The following FBXW7 variants were observed in gnomAD, a reference collection of about 807,000 sequenced individuals.
The protein encoded by FBXW7 is F-box/WD repeat-containing protein 7.
FBXW7 carries 11 observed loss-of-function variants against 86.3 expected under a neutral mutation model. That is an observed-to-expected ratio of 0.13 (90% CI 0.08 to 0.21). FBXW7 has a LOEUF of 0.21. Ranked by LOEUF, FBXW7 falls within the 10% of genes least tolerant of loss-of-function variation. The pLI is 1.00. For synonymous variants in FBXW7, 313 were observed against 297.9 expected, an observed-to-expected ratio of 1.05 and a Z score of -0.52; for missense variants, 488 against 847.4, an observed-to-expected ratio of 0.58 and a Z score of 5.27.
chr4:152,466,637 A>G (rs1191641915), intron 2 of FBXW7, among the ~76,000 whole-genome samples: 2 of 151,976 alleles, frequency 1.3e-5, no homozygotes, highest in Non-Finnish European at 2.9e-5. Context: ...AAACACCAAA[A>G]TATCATTGCT....
chr4:152,470,897 A>G (rs1295651648), intron 2 of FBXW7, among the ~76,000 whole-genome samples: 1 of 152,160 alleles, frequency 6.6e-6, no homozygotes, highest in Non-Finnish European at 1.5e-5. Context: ...TGACTCCTCA[A>G]AAACAAAACA....
At chr4:152,531,349 T>G (rs1750009379) in intron 2 of FBXW7, among the ~76,000 whole-genome samples, 1 of 152,152 alleles carries the variant, frequency 6.6e-6, no homozygotes, top group Non-Finnish European at 1.5e-5. Context: ...TGTTGAAACA[T>G]CTCTTCCCCA....
At chr4:152,351,815 A>G (rs1171815472) in intron 4 of FBXW7, among the ~76,000 whole-genome samples, 2 of 152,168 alleles carry the variant, frequency 1.3e-5, no homozygotes, top group Non-Finnish European at 2.9e-5. Flanking sequence ...ATTTGCCACT[A>G]AAAGCAAACT....
intron 4 of FBXW7, among the ~76,000 whole-genome samples, chr4:152,387,068 T>G (rs920813496): frequency 6.6e-6 from 1 of 152,206 alleles, no homozygotes; most frequent in African/African-American, 2.4e-5. Context: ...CCATTTTTCA[T>G]AAATTATTCC....
chr4:152,420,987 G>A (rs1178504030), intron 2 of FBXW7, among the ~76,000 whole-genome samples: 1 of 152,104 alleles, frequency 6.6e-6, no homozygotes, highest in Non-Finnish European at 1.5e-5. Context: ...TATCCAGCTA[G>A]AAAAGTCTTA....
At chr4:152,456,470 AG>A (rs1214298472) in intron 2 of FBXW7, among the ~76,000 whole-genome samples, 3 of 151,892 alleles carry the variant, frequency 2.0e-5, no homozygotes, top group Admixed American at 2.0e-4. Context: ...CAGGAGTTCA[AG>A]GCTGCAGTGA....
chr4:152,421,749 A>G (rs749263918), intron 2 of FBXW7, among the ~76,000 whole-genome samples: 7 of 152,270 alleles, frequency 4.6e-5, no homozygotes, highest in Non-Finnish European at 8.8e-5. Context: ...ATTAATTGGC[A>G]AAATTTCAAT....
At chr4:152,337,752 G>A (rs201569280) in intron 7 of FBXW7, 50 bp downstream of exon 7, 22 of 1,553,212 alleles carry the variant, frequency 1.4e-5, no homozygotes, top group Non-Finnish European at 1.9e-5. Flanking sequence ...TAGCTGTTGA[G>A]TTATATATTC....
intron 11 of FBXW7, 61 bp from the exon 12 acceptor site, chr4:152,326,292 A>G (rs375905474): frequency 4.4e-6 from 6 of 1,372,634 alleles, no homozygotes; most frequent in African/African-American, 2.9e-5. Context: ...AGAATTTTTA[A>G]TAATATGAGA....
intron 2 of FBXW7, among the ~76,000 whole-genome samples, chr4:152,511,217 T>C (rs1747932809): frequency 6.6e-6 from 1 of 151,986 alleles, no homozygotes; most frequent in African/African-American, 2.4e-5. Context: ...TAACATGCAG[T>C]ATGAATATAA....
rs201852130 is a variant in FBXW7, at chr4:152,382,256, T to C, written c.501+29047A>G. ...GCTAAATATCTTCATCACAGTTTGA[T>C]GTGGTAGAGGCTCTTTTGCACTTTT... On this transcript the variant is annotated intron_variant, in intron 4 of 13. Coordinates refer to ENST00000281708, the MANE Select transcript of FBXW7 (RefSeq NM_001349798.2). 44 of 1,606,206 alleles carry C rather than the reference T, an allele frequency of 2.7e-5. 1 individual carries two copies. The Middle Eastern group carries it at 5.0e-4, about 18-fold the overall frequency.
chr4:152,446,323 A>G (rs1741391030), intron 2 of FBXW7, among the ~76,000 whole-genome samples: 2 of 116,022 alleles, frequency 1.7e-5, no homozygotes, highest in African/African-American at 6.5e-5. Flanking sequence ...CCCCCCCAAA[A>G]AAAGACATAA....
At position 152,379,274 on chromosome 4, in the gene FBXW7, T is replaced by A. The variant is rs143395624; in HGVS notation, c.502-29150A>T. On this transcript the variant is annotated intron_variant, in intron 4 of 13. Coordinates refer to ENST00000281708, the MANE Select transcript of FBXW7 (RefSeq NM_001349798.2). ...ACAAAATAACTGGTTATTTTAAATATCTTTACCTAATTATTTTATAGGTTA... is the reference window on the plus strand; with the variant it reads ...ACAAAATAACTGGTTATTTTAAATAACTTTACCTAATTATTTTATAGGTTA... Among the ~76,000 whole-genome samples the A allele has an allele frequency of 4.4e-4, 67 of 152,296 alleles. No homozygotes were observed. In the East Asian group the frequency reaches 0.012, roughly 28 times the overall value.
chr4:152,524,633 T>C (rs1283262293), intron 2 of FBXW7, among the ~76,000 whole-genome samples: 1 of 152,152 alleles, frequency 6.6e-6, no homozygotes, highest in Non-Finnish European at 1.5e-5. Flanking sequence ...TGACTAAGAC[T>C]GAACTCAAAA....
intron 2 of FBXW7, among the ~76,000 whole-genome samples, chr4:152,454,280 C>T (rs571256277): frequency 6.0e-5 from 7 of 116,588 alleles, no homozygotes; most frequent in Admixed American, 1.0e-4. Flanking sequence ...TTTTTTTCCA[C>T]GCCAATACCT....
chr4:152,387,530 G>A (rs191754254), intron 4 of FBXW7, among the ~76,000 whole-genome samples: 61 of 145,820 alleles, frequency 4.2e-4, no homozygotes, highest in African/African-American at 1.5e-3. Context: ...TTTAAACACA[G>A]AGGAAAACAA....
At chr4:152,495,585 C>G (rs942377838) in intron 2 of FBXW7, among the ~76,000 whole-genome samples, 1 of 152,174 alleles carries the variant, frequency 6.6e-6, no homozygotes, top group Admixed American at 6.5e-5. Flanking sequence ...TTCTTCCCTA[C>G]AATGGGTTGC....
chr4:152,367,464 T>C (rs1179227812), intron 4 of FBXW7, among the ~76,000 whole-genome samples: 1 of 152,046 alleles, frequency 6.6e-6, no homozygotes, highest in Non-Finnish European at 1.5e-5. Context: ...AGAGGATATA[T>C]CAAGAAATAC....
intron 2 of FBXW7, among the ~76,000 whole-genome samples, chr4:152,470,511 A>C (rs1352578026): frequency 1.3e-5 from 2 of 152,146 alleles, no homozygotes; most frequent in Non-Finnish European, 1.5e-5. Flanking sequence ...TTAAAAAATT[A>C]ACATGAGGAA....
Sources: gnomAD v4.1 joint callset for allele counts (sites outside exome capture counted in the v4.1 genomes callset) on GRCh38, gnomAD v4.1.1 for gene constraint, MANE v1.5 for transcripts, NCBI Gene and HGNC (gene_info 2026-07-23, HGNC 2026-07-21) for gene names.